Variants in SAMD12 observed in about 807,000 individuals in gnomAD.
SAMD12 encodes sterile alpha motif domain-containing protein 12.
A neutral mutation model predicts 15.0 loss-of-function variants in SAMD12; 9 were observed. That is an observed-to-expected ratio of 0.60 (90% CI 0.36 to 1.05). The LOEUF is 1.05. SAMD12 is among the 50% of genes least tolerant of loss of function. The pLI is 0.01. For synonymous variants in SAMD12, 86 were observed against 90.1 expected (o/e 0.96, Z 0.25); for missense variants, 230 against 234.2 (o/e 0.98, Z 0.12).
chr8:118,188,239 ATAGT>A (rs1372335031), downstream of SAMD12, among the ~76,000 whole-genome samples: 3 of 152,116 alleles, frequency 2.0e-5, no homozygotes, highest in Non-Finnish European at 2.9e-5. Flanking sequence ...AAGAGAAGAA[ATAGT>A]TAGAAATGAT....
At chr8:118,196,300 G>A (rs1345548495) in exon 5 of SAMD12, 1 of 152,144 alleles carries the variant, frequency 6.6e-6, no homozygotes, top group Non-Finnish European at 1.5e-5. Context: ...AGCCTCTGAT[G>A]CCCGTCAGTC....
At chr8:118,164,474 G>A in the SAMD12 span, among the ~76,000 whole-genome samples, 218 of 152,230 alleles carry the variant, frequency 1.4e-3, no homozygotes, top group Non-Finnish European at 2.7e-3. Context: ...TTTTTTAAAC[G>A]ACCTCAGGAT....
At chr8:118,336,195 A>G (rs6994128) in intron 4 of SAMD12, among the ~76,000 whole-genome samples, 38,375 of 152,142 alleles carry the variant, frequency 0.25, 5,327 homozygotes, top group African/African-American at 0.36. Context: ...CTAACTCTAA[A>G]ACAATACCAG....
chr8:118,164,824 T>C, the SAMD12 span, among the ~76,000 whole-genome samples: 7,436 of 151,980 alleles, frequency 0.049, 459 homozygotes, highest in African/African-American at 0.15. Context: ...TATATATATA[T>C]ACACACATAT....
chr8:118,284,008 T>C (rs547442561), intron 4 of SAMD12, among the ~76,000 whole-genome samples: 3 of 152,306 alleles, frequency 2.0e-5, no homozygotes, highest in African/African-American at 7.2e-5. Context: ...TGTGGACTCA[T>C]TTTCAAAGAG....
At chr8:118,489,328 CTTTTAA>C (rs1205240738) in intron 2 of SAMD12, among the ~76,000 whole-genome samples, 3 of 152,068 alleles carry the variant, frequency 2.0e-5, no homozygotes, top group Admixed American at 1.3e-4. Context: ...TGATCAGAGG[CTTTTAA>C]TTTTAATACA....
chr8:118,373,279 T>G (rs1206480060), downstream of SAMD12, among the ~76,000 whole-genome samples: 1 of 152,148 alleles, frequency 6.6e-6, no homozygotes, highest in Non-Finnish European at 1.5e-5. Flanking sequence ...CCTCTAATCC[T>G]CTTTGGGTCT....
intron 1 of SAMD12, among the ~76,000 whole-genome samples, chr8:118,611,386 C>T (rs1045582041): frequency 3.3e-5 from 5 of 152,136 alleles, no homozygotes; most frequent in East Asian, 3.8e-4. Flanking sequence ...TCACAAAGCA[C>T]GGATACATAC....
intron 2 of SAMD12, among the ~76,000 whole-genome samples, chr8:118,562,415 T>C (rs141788982): frequency 3.2e-4 from 48 of 150,534 alleles, no homozygotes; most frequent in Admixed American, 1.2e-3. Context: ...TAAAGAAAAG[T>C]AAAAGAGGTT....
At chr8:118,621,116 T>A (rs1045093179) in intron 1 of SAMD12, 1 of 152,276 alleles carries the variant, frequency 6.6e-6, no homozygotes, top group Non-Finnish European at 1.5e-5. Flanking sequence ...CGGTCAAAAC[T>A]GCAAAGCCGA....
At chr8:118,329,637 C>G (rs1023555203) in intron 4 of SAMD12, among the ~76,000 whole-genome samples, 1 of 152,194 alleles carries the variant, frequency 6.6e-6, no homozygotes, top group Non-Finnish European at 1.5e-5. Context: ...GTAGATATCT[C>G]TAGTGTAAAC....
At chr8:118,477,315 T>G (rs1398354178) in intron 2 of SAMD12, among the ~76,000 whole-genome samples, 1 of 151,886 alleles carries the variant, frequency 6.6e-6, no homozygotes, top group African/African-American at 2.4e-5. Context: ...ATCCGCCCAC[T>G]TCACCCTCCC....
chr8:118,158,356 C>G, the SAMD12 span, among the ~76,000 whole-genome samples: 1 of 152,204 alleles, frequency 6.6e-6, no homozygotes, highest in Non-Finnish European at 1.5e-5. Flanking sequence ...TCTGGAGCAG[C>G]TGCTGCAAAG....
chr8:118,305,229 A>C (rs1450548296), intron 4 of SAMD12, among the ~76,000 whole-genome samples: 7 of 147,542 alleles, frequency 4.7e-5, no homozygotes, highest in African/African-American at 1.8e-4. Flanking sequence ...CATCATTGCT[A>C]TCCCTTTTCA....
intron 3 of SAMD12, among the ~76,000 whole-genome samples, chr8:118,399,761 A>G (rs1820778152): frequency 6.6e-6 from 1 of 152,152 alleles, no homozygotes; most frequent in Non-Finnish European, 1.5e-5. Context: ...CTTCATGGGG[A>G]ACCAAAGCAC....
intron 3 of SAMD12, among the ~76,000 whole-genome samples, chr8:118,436,142 A>T (rs1563859001): frequency 2.6e-5 from 4 of 151,852 alleles, no homozygotes; most frequent in Non-Finnish European, 5.9e-5. Flanking sequence ...TGCAAGCACA[A>T]TTTTTTCCTA....
intron 4 of SAMD12, among the ~76,000 whole-genome samples, chr8:118,341,990 T>C (rs1343831256): frequency 1.2e-4 from 18 of 152,314 alleles, no homozygotes. Flanking sequence ...ACAAAATTCC[T>C]ATGAAAAAGT....
intron 2 of SAMD12, among the ~76,000 whole-genome samples, chr8:118,573,377 C>T (rs920756336): frequency 2.4e-4 from 36 of 152,188 alleles, no homozygotes; most frequent in Non-Finnish European, 4.4e-4. Flanking sequence ...TAAGCCACTG[C>T]GCCCAGCCTA....
chr8:118,403,468 T>C (rs1395096257), intron 3 of SAMD12, among the ~76,000 whole-genome samples: 1 of 152,058 alleles, frequency 6.6e-6, no homozygotes, highest in Non-Finnish European at 1.5e-5. Flanking sequence ...GCTTGGTAAA[T>C]TGGAACATTA....
Sources: gnomAD v4.1 joint callset for allele counts (sites outside exome capture counted in the v4.1 genomes callset) on GRCh38, gnomAD v4.1.1 for gene constraint, MANE v1.5 for transcripts, NCBI Gene and HGNC (gene_info 2026-07-23, HGNC 2026-07-21) for gene names.